ARMCX4: variants seen among roughly 807,000 people sequenced by gnomAD.
ARMCX4 encodes armadillo repeat containing X-linked 4, also known as armadillo repeat-containing X-linked protein 4.
In ARMCX4, 3 loss-of-function variants were observed where a neutral mutation model predicts 34.7. The ratio of observed to expected loss-of-function variants is 0.09; its 90% CI spans 0.04 to 0.22. ARMCX4 has a LOEUF of 0.22. Ranked by LOEUF, ARMCX4 falls within the 10% of genes least tolerant of loss-of-function variation. The pLI is 1.00. For missense variants in ARMCX4, 1,448 were observed against 1,720.8 expected (o/e 0.84, Z 2.81); for synonymous variants, 513 against 632.8 (o/e 0.81, Z 2.84).
At chrX:101,525,981 A>G (rs1039799577) in intron 11 of ARMCX4, among the ~76,000 whole-genome samples, 2 of 111,423 alleles carry the variant, frequency 1.8e-5, no homozygotes, top group Non-Finnish European at 3.8e-5. Flanking sequence ...AAATACAGAG[A>G]ACACCACAAA....
chrX:101,448,513 C>G, downstream of ARMCX4, among the ~76,000 whole-genome samples: 1 of 112,124 alleles, frequency 8.9e-6, no homozygotes, highest in Middle Eastern at 4.6e-3. Flanking sequence ...TTTGTTATTG[C>G]CTGTCTTTTG....
At chrX:101,454,019 C>T (rs782615935) in intron 4 of ARMCX4, among the ~76,000 whole-genome samples, 2 of 110,456 alleles carry the variant, frequency 1.8e-5, no homozygotes, top group African/African-American at 3.3e-5. Flanking sequence ...CGTCGTTACC[C>T]TCAAGAAAAT....
Position 101,492,283 on chromosome X carries a change from A to G in ARMCX4, c.3694A>G (p.Ile1232Val), listed in dbSNP as rs1556009622. The G allele has an allele frequency of 3.5e-6, 4 of 1,141,479 alleles. No individual in the cohort carries two copies. In the East Asian group the frequency reaches 1.3e-4, roughly 38 times the overall value. The allele number at this position is 1,141,479 out of a possible 1,213,427, so 94.1% of individuals were successfully genotyped here. A position where few individuals can be genotyped will look rare whatever the true frequency, so the allele number is the denominator to read the frequency against. Residue 1232 changes from isoleucine (I) to valine (V), a missense_variant, in exon 6 of 6, where the codon ATT becomes GTT. By Grantham distance (29) the Ile-to-Val change is conservative. Transcript: ENST00000423738. ...TTGGGCTCTCGCTGGGAATCAGGCC[A>G]TTGGAGAGCTTTGGGCTGCGGGTCA... ...GSWALAGNQA[I>V]GELWAAGQAS...
chrX:101,524,739 G>A (rs1934927986), intron 11 of ARMCX4, among the ~76,000 whole-genome samples: 1 of 111,835 alleles, frequency 8.9e-6, no homozygotes, highest in Non-Finnish European at 1.9e-5. Context: ...CAACTAGGCT[G>A]GGGGAGGGGC....
intron 2 of ARMCX4, among the ~76,000 whole-genome samples, chrX:101,441,009 G>A (rs1392378066): frequency 1.8e-5 from 2 of 110,970 alleles, no homozygotes; most frequent in Non-Finnish European, 3.8e-5. Flanking sequence ...ACTCCTCAGT[G>A]AGATGAACCC....
intron 2 of ARMCX4, chrX:101,443,875 C>T (rs970368402): frequency 2.7e-5 from 10 of 370,417 alleles, no homozygotes; most frequent in Admixed American, 1.4e-4. Flanking sequence ...CAGCATTTTC[C>T]ATGAACAAGA....
intron 1 of ARMCX4, 21 bp downstream of exon 1, chrX:101,485,551 G>A (rs1933661379): frequency 2.6e-6 from 1 of 389,359 alleles, no homozygotes; most frequent in Non-Finnish European, 3.3e-6. Context: ...TGGGGCCCGC[G>A]CGCCCTGGCC....
Position 101,489,347 on chromosome X carries a change from G to A in ARMCX4, c.758G>A (p.Arg253Lys), listed in dbSNP as rs1933878282. The A allele has an allele frequency of 7.8e-6, 9 of 1,154,880 alleles. No individual in the cohort carries two copies. The highest frequency in any genetic ancestry group is 1.0e-5 in the Non-Finnish European group (9 of 872,172). The change falls in exon 6 of 6, where the codon AGG becomes AAG. Residue 253 changes from arginine (R) to lysine (K), a missense_variant. By Grantham distance (26) the Arg-to-Lys change is conservative (BLOSUM62 2). This residue lies in a region of ARMCX4 where 1,343 missense variants were observed against 1,540.7 expected (regional missense o/e 0.87). Transcript: ENST00000423738. Reference sequence around the variant, plus strand: ...GTGGCTAAGACTCAGTCTGAGGCCAGGCCTGGTGCCACAGTTGATGCTAGG... The same window carrying A: ...GTGGCTAAGACTCAGTCTGAGGCCAAGCCTGGTGCCACAGTTGATGCTAGG... ...VSVAKTQSEA[R>K]PGATVDARGN...
intron 2 of ARMCX4, among the ~76,000 whole-genome samples, chrX:101,438,107 G>A (rs945453454): frequency 6.3e-5 from 7 of 111,761 alleles, no homozygotes; most frequent in African/African-American, 2.0e-4. Flanking sequence ...TGGAATAGGT[G>A]TGGTGTGGTG....
intron 4 of ARMCX4, among the ~76,000 whole-genome samples, chrX:101,470,924 T>C (rs1453553440): frequency 8.9e-6 from 1 of 111,986 alleles, no homozygotes; most frequent in Non-Finnish European, 1.9e-5. Context: ...GCTGTACCAT[T>C]TTACACCCCT....
At chrX:101,422,502 C>T (rs912777631) in intron 2 of ARMCX4, among the ~76,000 whole-genome samples, 2 of 110,704 alleles carry the variant, frequency 1.8e-5, no homozygotes, top group Admixed American at 9.6e-5. Flanking sequence ...GCTGCTCCAT[C>T]GAGTTCAGGG....
chrX:101,422,691 C>T (rs1482546578), intron 2 of ARMCX4, among the ~76,000 whole-genome samples: 4 of 110,899 alleles, frequency 3.6e-5, no homozygotes, highest in African/African-American at 6.6e-5. Flanking sequence ...AGGAAAGAAA[C>T]GCCTATGATC....
intron 4 of ARMCX4, among the ~76,000 whole-genome samples, chrX:101,463,748 T>C (rs1932722185): frequency 9.1e-6 from 1 of 110,098 alleles, no homozygotes; most frequent in East Asian, 2.9e-4. Context: ...AATTTTATTA[T>C]TTATTTATTT....
At chrX:101,481,598 G>A, upstream of ARMCX4, among the ~76,000 whole-genome samples, 1 of 111,484 alleles carries the variant, frequency 9.0e-6, no homozygotes, top group Middle Eastern at 4.6e-3. Context: ...GTTTGATGGG[G>A]GTATAAATTG....
chrX:101,471,691 G>C (rs983793984), intron 4 of ARMCX4, among the ~76,000 whole-genome samples: 4 of 111,369 alleles, frequency 3.6e-5, no homozygotes, highest in Non-Finnish European at 7.5e-5. Context: ...CCCCCAGCAG[G>C]GGCACACTGA....
At chrX:101,515,424 TTCCTTCCTTCCTTCCTTC>T (rs1934711021) in intron 11 of ARMCX4, among the ~76,000 whole-genome samples, 2 of 21,311 alleles carry the variant, frequency 9.4e-5, no homozygotes, top group Non-Finnish European at 1.7e-4. Flanking sequence ...TCTTCCTTCC[TTCCTTCCTTCCTTCCTTC>T]CTTCCTTCCT....
At chrX:101,425,017 A>G (rs1929516734) in intron 2 of ARMCX4, among the ~76,000 whole-genome samples, 1 of 111,956 alleles carries the variant, frequency 8.9e-6, no homozygotes, top group Non-Finnish European at 1.9e-5. Context: ...AAGGTTGTCT[A>G]GGCCAAAGAG....
intron 2 of ARMCX4, among the ~76,000 whole-genome samples, chrX:101,436,731 A>C (rs1397211916): frequency 9.0e-6 from 1 of 111,731 alleles, no homozygotes; most frequent in Non-Finnish European, 1.9e-5. Context: ...CCAGTTTTCA[A>C]AGGGAATGCT....
At chrX:101,431,574 C>G (rs911594942) in intron 2 of ARMCX4, among the ~76,000 whole-genome samples, 2 of 111,219 alleles carry the variant, frequency 1.8e-5, no homozygotes, top group African/African-American at 3.3e-5. Flanking sequence ...GACAGAGTCT[C>G]GCTCTGTTGC....
Sources: gnomAD v4.1 joint callset for allele counts (sites outside exome capture counted in the v4.1 genomes callset) on GRCh38, gnomAD v4.1.1 for gene constraint, gnomAD v4.1.1 regional missense constraint, MANE v1.5 for transcripts, NCBI Gene and HGNC (gene_info 2026-07-23, HGNC 2026-07-21) for gene names.